PRR11: variants seen among roughly 807,000 people sequenced by gnomAD.
PRR11 encodes the protein proline-rich protein 11.
Under a neutral mutation model 45.6 loss-of-function variants are expected in PRR11, and 30 were observed. The observed-to-expected ratio is 0.66, with a 90% CI of 0.49 to 0.89. The LOEUF (loss-of-function observed/expected upper bound fraction) is 0.89. PRR11 is among the 40% of genes least tolerant of loss of function. The pLI is 0.00. For synonymous variants in PRR11, 128 were observed against 153.5 expected, an observed-to-expected ratio of 0.83 and a Z score of 1.23; for missense variants, 373 against 424.8, an observed-to-expected ratio of 0.88 and a Z score of 1.07.
chr17:59,163,989 TGGG>T (rs994054383), intron 1 of PRR11, among the ~76,000 whole-genome samples: 90 of 152,024 alleles, frequency 5.9e-4, no homozygotes, highest in African/African-American at 2.1e-3. Context: ...CACTTGAACT[TGGG>T]GGGTGGGCGG....
At chr17:59,170,120 C>T (rs565390910) in intron 2 of PRR11, among the ~76,000 whole-genome samples, 8 of 151,946 alleles carry the variant, frequency 5.3e-5, no homozygotes, top group East Asian at 3.9e-4. Context: ...TGCGTGGTGG[C>T]GGGCAACTGT....
chr17:59,194,933 G>T, intron 6 of PRR11, 78 bp downstream of exon 6: 6 of 1,198,528 alleles, frequency 5.0e-6, no homozygotes, highest in Non-Finnish European at 6.0e-6. Flanking sequence ...CAGCACTTTG[G>T]GAGACCAAGG....
intron 2 of PRR11, among the ~76,000 whole-genome samples, chr17:59,170,598 T>A (rs1320222969): frequency 6.6e-6 from 1 of 152,072 alleles, no homozygotes; most frequent in African/African-American, 2.4e-5. Context: ...AAAAAAATTT[T>A]AAAAAATAGA....
At chr17:59,182,733 C>T (rs1459257280) in intron 2 of PRR11, among the ~76,000 whole-genome samples, 1 of 152,142 alleles carries the variant, frequency 6.6e-6, no homozygotes. Flanking sequence ...ACCTCTTCTT[C>T]CTCCAGTCCC....
intron 2 of PRR11, 92 bp downstream of exon 2, chr17:59,169,972 G>T: frequency 1.4e-6 from 2 of 1,434,808 alleles, no homozygotes; most frequent in Non-Finnish European, 1.9e-6. Flanking sequence ...TAGAAGGCAG[G>T]CCGGGTGCAG....
At chr17:59,183,251 G>A (rs1356821651) in intron 2 of PRR11, among the ~76,000 whole-genome samples, 2 of 152,176 alleles carry the variant, frequency 1.3e-5, no homozygotes, top group Admixed American at 6.6e-5. Flanking sequence ...CCCTGTCCCA[G>A]CAGAGGCTGT....
Position 59,185,459 on chromosome 17 carries a change from A to G in PRR11, c.299A>G (p.Asp100Gly). Residue 100 changes from aspartate (D) to glycine (G), a missense_variant, in exon 4 of 10, where the codon GAC becomes GGC. Asp to Gly is a moderately conservative substitution (Grantham distance 94). Coordinates refer to ENST00000262293, the MANE Select transcript of PRR11 (RefSeq NM_018304.4). ...TTTCAGAGTTTAGAAGTATTGAAAG[A>G]CACCATCTTTCCATCTCGTATCTGC... ...CITQSLEVLK[D>G]TIFPSRICHR... The G allele has an allele frequency of 6.2e-7, 1 of 1,603,086 alleles. No individual in the cohort carries two copies. The highest frequency in any genetic ancestry group is 8.5e-7 in the Non-Finnish European group (1 of 1,172,154).
At chr17:59,178,865 C>G (rs1348795512) in intron 2 of PRR11, among the ~76,000 whole-genome samples, 4 of 152,168 alleles carry the variant, frequency 2.6e-5, no homozygotes, top group African/African-American at 9.7e-5. Flanking sequence ...ACAGTCACAT[C>G]AGGGTGTGAC....
chr17:59,179,157 G>A (rs1187128450), intron 2 of PRR11, among the ~76,000 whole-genome samples: 1 of 151,940 alleles, frequency 6.6e-6, no homozygotes, highest in Non-Finnish European at 1.5e-5. Flanking sequence ...GTGCTACCAC[G>A]CCTGGCTAAT....
At position 59,204,395 on chromosome 17, in the gene PRR11, CAAAAAAA is replaced by C; in HGVS notation, c.*2782_*2788del. The C allele has an allele frequency of 8.6e-5, 4 of 46,350 alleles. No individual in the cohort carries two copies. The highest frequency in any genetic ancestry group is 6.0e-4 in the East Asian group (1 of 1,664). 2.9% of individuals were successfully genotyped at this position (46,350 alleles called of 1,614,324 possible). ...TGGGCAACAGAGCCAGACCCTGCCT[CAAAAAAA>C]AAAAAAAAAAAAAAAAAGGCCTGGC... On this transcript the variant is annotated 3_prime_UTR_variant, in exon 10 of 10. Coordinates refer to ENST00000262293, the MANE Select transcript of PRR11 (RefSeq NM_018304.4).
At chr17:59,167,121 G>A (rs555122150) in intron 1 of PRR11, among the ~76,000 whole-genome samples, 5 of 152,194 alleles carry the variant, frequency 3.3e-5, no homozygotes, top group African/African-American at 1.2e-4. Flanking sequence ...CCAAGATCGC[G>A]CCACTGCACT....
In PRR11 at chr17:59,161,035, C is replaced by T. The variant is rs530211013; in HGVS notation, c.-6+5230C>T. Among the ~76,000 whole-genome samples the T allele has an allele frequency of 4.6e-5, 7 of 152,164 alleles. No individual in the cohort carries two copies. The South Asian group carries it at 6.2e-4, about 14-fold the overall frequency. ...TGGGGATTACAGCACTTTGAACCAC[C>T]GCCCTTTGCCTATATGTTTATGTTT... On this transcript the variant is annotated intron_variant, in intron 1 of 9. Coordinates refer to ENST00000262293, the MANE Select transcript of PRR11 (RefSeq NM_018304.4).
In PRR11 at chr17:59,203,657, G is replaced by T. The variant is rs182850437; in HGVS notation, c.*2026G>T. 4.6e-5 allele frequency: 7 copies of T among 151,972 alleles called. No homozygotes were observed. Among genetic ancestry groups the T allele is most frequent in the African/African-American group, 9.7e-5 (4 of 41,374 alleles). The allele number at this position is 151,972 out of a possible 1,614,324, so 9.4% of individuals were successfully genotyped here. On this transcript the variant is annotated 3_prime_UTR_variant, in exon 10 of 10. Coordinates refer to ENST00000262293, the MANE Select transcript of PRR11 (RefSeq NM_018304.4). ...GCGGATTACTTGAGGTCAGGACTTC[G>T]AAACCAGCCTGGCCAACATGGTGAA...
chr17:59,164,474 G>T (rs972194673), intron 1 of PRR11, among the ~76,000 whole-genome samples: 1 of 152,056 alleles, frequency 6.6e-6, no homozygotes, highest in Non-Finnish European at 1.5e-5. Flanking sequence ...AGGACTGCTT[G>T]AGCACAGGAG....
Position 59,205,893 on chromosome 17 carries a change from A to G in PRR11, c.*4262A>G, listed in dbSNP as rs1301542088. Among the ~76,000 whole-genome samples the G allele has an allele frequency of 2.0e-5, 3 of 146,736 alleles. No individual in the cohort carries two copies. The highest frequency in any genetic ancestry group is 2.1e-4 in the South Asian group (1 of 4,654). On this transcript the variant is annotated 3_prime_UTR_variant, in exon 10 of 10. Transcript: ENST00000262293. ...AAACCCCGTCTCTACCAAAAAAAATATATAAAAATTATCTGGGTGTGGTGG... is the reference window on the plus strand; with the variant it reads ...AAACCCCGTCTCTACCAAAAAAAATGTATAAAAATTATCTGGGTGTGGTGG...
rs1452433751 is a variant in PRR11, at chr17:59,197,675, T to C, written c.918-18T>C. 1 of 1,612,786 alleles carries C rather than the reference T, an allele frequency of 6.2e-7. No homozygotes were observed. The highest frequency in any genetic ancestry group is 8.5e-7 in the Non-Finnish European group (1 of 1,178,932). ...TTGCCATAAAATACAGCTACTGTTATTTTCAATACCTTTGCAGGAGCCCAG... is the reference window on the plus strand; with the variant it reads ...TTGCCATAAAATACAGCTACTGTTACTTTCAATACCTTTGCAGGAGCCCAG... On this transcript the variant is annotated intron_variant, in intron 8 of 9. Transcript: ENST00000262293.
intron 1 of PRR11, among the ~76,000 whole-genome samples, chr17:59,169,507 A>G (rs1401970446): frequency 6.6e-6 from 1 of 152,148 alleles, no homozygotes; most frequent in African/African-American, 2.4e-5. Flanking sequence ...AGCAAAACAA[A>G]CTGAGAGAGT....
intron 1 of PRR11, among the ~76,000 whole-genome samples, chr17:59,166,598 A>G (rs933380596): frequency 1.3e-5 from 2 of 152,178 alleles, no homozygotes; most frequent in Non-Finnish European, 2.9e-5. Context: ...TAAATTGATC[A>G]TTATGATATA....
chr17:59,184,411 A>G (rs1234527624), intron 2 of PRR11, among the ~76,000 whole-genome samples: 2 of 152,160 alleles, frequency 1.3e-5, no homozygotes, highest in Non-Finnish European at 2.9e-5. Flanking sequence ...GCCGTGAGCC[A>G]AGATCGCACC....
Sources: gnomAD v4.1 joint callset for allele counts (sites outside exome capture counted in the v4.1 genomes callset) on GRCh38, gnomAD v4.1.1 for gene constraint, MANE v1.5 for transcripts, NCBI Gene and HGNC (gene_info 2026-07-23, HGNC 2026-07-21) for gene names.